SNRPN: variants seen among roughly 807,000 people sequenced by gnomAD.
SNRPN encodes small nuclear ribonucleoprotein-associated protein N.
A neutral mutation model predicts 25.2 loss-of-function variants in SNRPN; 7 were observed. The ratio of observed to expected loss-of-function variants is 0.28; its 90% CI spans 0.16 to 0.52. The LOEUF (loss-of-function observed/expected upper bound fraction) is 0.52, where lower values mean the gene tolerates loss of function less well. SNRPN is among the 20% of genes least tolerant of loss of function. The pLI is 0.96. For missense variants in SNRPN, 196 were observed against 322.5 expected, an observed-to-expected ratio of 0.61 and a Z score of 3.00; for synonymous variants, 124 against 110.6, an observed-to-expected ratio of 1.12 and a Z score of -0.76.
At chr15:24,967,910 A>T in intron 2 of SNRPN, 22 bp from the exon 3 acceptor site, 1 of 1,589,326 alleles carries the variant, frequency 6.3e-7, no homozygotes, top group South Asian at 1.1e-5. Context: ...TATCATTTAT[A>T]TATATTGTGC....
chr15:24,870,301 A>G (rs566729796), intron 1 of SNRPN, among the ~76,000 whole-genome samples: 4 of 152,266 alleles, frequency 2.6e-5, no homozygotes, highest in African/African-American at 9.6e-5. Context: ...TCATCTGTCG[A>G]TTTGAGGAGT....
rs964641058 is a variant in SNRPN at position 24,943,834 on chromosome 15, T to A, written c.-390-18280T>A. Among the ~76,000 whole-genome samples the A allele has an allele frequency of 3.3e-5, 5 of 152,092 alleles. 1 individual carries two copies. The highest frequency in any genetic ancestry group is 2.6e-4 in the Admixed American group (4 of 15,260). ...GGTTCTTTTTTTTTTAATTTTTTTA[T>A]TTTTCGAGACAGGGTCTCGCCCTGT... On this transcript the variant is annotated intron_variant, in intron 3 of 11. Transcript: ENST00000400097.
intron 1 of SNRPN, among the ~76,000 whole-genome samples, chr15:24,883,690 T>A (rs923512912): frequency 2.6e-5 from 4 of 151,924 alleles, no homozygotes; most frequent in African/African-American, 9.7e-5. Flanking sequence ...ATTATAATAA[T>A]ATTAGTTACT....
At chr15:24,913,737 C>T (rs1251852339) in intron 2 of SNRPN, among the ~76,000 whole-genome samples, 1 of 151,700 alleles carries the variant, frequency 6.6e-6, no homozygotes, top group African/African-American at 2.4e-5. Flanking sequence ...CAAACAGACC[C>T]CTTTAACAAA....
At chr15:24,978,126 T>C in intron 8 of SNRPN, 67 bp from the exon 9 acceptor site, 1 of 1,516,566 alleles carries the variant, frequency 6.6e-7, no homozygotes, top group East Asian at 2.3e-5. Flanking sequence ...TAGGGATTAT[T>C]TGGGCTAAAT....
intron 2 of SNRPN, among the ~76,000 whole-genome samples, chr15:24,891,498 C>T (rs973232639): frequency 4.0e-5 from 6 of 151,436 alleles, no homozygotes; most frequent in Non-Finnish European, 5.9e-5. Flanking sequence ...AGTGCAATGG[C>T]GCAATCTCAG....
At chr15:24,950,544 C>CT (rs1024998270), upstream of SNRPN, among the ~76,000 whole-genome samples, 2,046 of 97,086 alleles carry the variant, frequency 0.021, 35 homozygotes, top group African/African-American at 0.032. Flanking sequence ...GTTCTCATTT[C>CT]TTTTTTTTTT....
chr15:24,897,337 A>G (rs1331823159), intron 2 of SNRPN, among the ~76,000 whole-genome samples: 1 of 152,178 alleles, frequency 6.6e-6, no homozygotes, highest in Non-Finnish European at 1.5e-5. Flanking sequence ...CTGTAATCCC[A>G]GCATCTTGGG....
chr15:24,912,155 C>A (rs2059257639), intron 2 of SNRPN, among the ~76,000 whole-genome samples: 1 of 152,138 alleles, frequency 6.6e-6, no homozygotes, highest in South Asian at 2.1e-4. Flanking sequence ...CCTCCACCAA[C>A]CTTTTGTTTT....
rs181153226 is a variant in SNRPN at position 24,909,431 on chromosome 15, A to G, written c.-504-10580A>G. 5.1e-3 allele frequency: 8,048 copies of G among 1,592,492 alleles called. 27 individuals are homozygous for G. The highest frequency in any genetic ancestry group is 6.5e-3 in the Admixed American group (388 of 59,998). On this transcript the variant is annotated intron_variant, in intron 2 of 11. Transcript: ENST00000400097. ...TGGCTGACCATCAATGCTTTCCACA[A>G]TGTATTCATCGCCAGTCACCTCCAC...
chr15:24,912,855 C>G (rs964480489), intron 2 of SNRPN, among the ~76,000 whole-genome samples: 2 of 152,234 alleles, frequency 1.3e-5, no homozygotes, highest in African/African-American at 2.4e-5. Flanking sequence ...AGACCTCCTT[C>G]TGCTGCTTTG....
intron 3 of SNRPN, among the ~76,000 whole-genome samples, chr15:24,923,813 C>A (rs1454141328): frequency 1.3e-5 from 2 of 150,642 alleles, no homozygotes; most frequent in East Asian, 3.9e-4. Context: ...GAAGGGCTCA[C>A]TTGGGTCTTC....
intron 3 of SNRPN, among the ~76,000 whole-genome samples, chr15:24,935,536 G>C (rs1306971524): frequency 6.6e-6 from 1 of 152,122 alleles, no homozygotes; most frequent in Non-Finnish European, 1.5e-5. Flanking sequence ...GAAGTGGGAA[G>C]CATTTTGGGA....
rs1596356770 is a variant in SNRPN at position 24,978,546 on chromosome 15, A to T, written c.*102A>T. ...TTTGTTCCCTCATTCTGCATTAATA[A>T]TAGCTAATAATAAATGCATAGAGCA... On this transcript the variant is annotated 3_prime_UTR_variant, in exon 10 of 10. Coordinates refer to ENST00000390687, the MANE Select transcript of SNRPN (RefSeq NM_003097.6). The T allele has an allele frequency of 7.0e-6, 7 of 1,004,252 alleles. No homozygotes were observed. In the East Asian group the frequency reaches 1.7e-4, roughly 24 times the overall value. 62.2% of individuals were successfully genotyped at this position (1,004,252 alleles called of 1,614,324 possible). A position where few individuals can be genotyped will look rare whatever the true frequency, so the allele number is the denominator to read the frequency against.
intron 8 of SNRPN, 88 bp from the exon 9 acceptor site, chr15:24,978,105 G>T (rs2077275357): frequency 2.2e-6 from 3 of 1,385,002 alleles, no homozygotes; most frequent in Non-Finnish European, 1.0e-6. Context: ...TTGTTGTCTG[G>T]CCCATTTCTT....
upstream of SNRPN, among the ~76,000 whole-genome samples, chr15:24,953,943 G>A (rs1035659050): frequency 2.6e-5 from 4 of 152,198 alleles, no homozygotes; most frequent in Admixed American, 6.5e-5. Flanking sequence ...ATTGGGAACT[G>A]AGCAGTAGCT....
intron 3 of SNRPN, chr15:24,921,213 G>C (rs139489100): frequency 1.3e-5 from 2 of 152,198 alleles, no homozygotes; most frequent in Non-Finnish European, 2.9e-5. Flanking sequence ...CTTTGTGAAG[G>C]CTTCAGATGT....
At chr15:24,977,444 G>A (rs932211703) in intron 7 of SNRPN, among the ~76,000 whole-genome samples, 4 of 152,122 alleles carry the variant, frequency 2.6e-5, no homozygotes, top group Non-Finnish European at 5.9e-5. Context: ...TTCGACACCA[G>A]CCCGGCCCAC....
At chr15:24,910,959 C>T (rs1051557626) in intron 2 of SNRPN, 6 of 937,242 alleles carry the variant, frequency 6.4e-6, no homozygotes, top group Admixed American at 5.7e-5. Flanking sequence ...GCAGCCAACA[C>T]CCAAAACCAC....
Sources: gnomAD v4.1 joint callset for allele counts (sites outside exome capture counted in the v4.1 genomes callset) on GRCh38, gnomAD v4.1.1 for gene constraint, MANE v1.5 for transcripts, NCBI Gene and HGNC (gene_info 2026-07-23, HGNC 2026-07-21) for gene names.